ZNF578: variants seen among roughly 807,000 people sequenced by gnomAD.
ZNF578 encodes Putative chemokine-related protein B42.
In ZNF578, 8 loss-of-function variants were observed where a neutral mutation model predicts 8.3. The ratio of observed to expected loss-of-function variants is 0.96; its 90% CI spans 0.56 to 1.74. The LOEUF is 1.74. Ranked by LOEUF, ZNF578 falls within the 40% of genes most tolerant of loss-of-function variation. The probability of loss-of-function intolerance (pLI) is 0.00; values close to 1 mark genes in which losing one functional copy is unlikely to be tolerated. For synonymous variants in ZNF578, 206 were observed against 232.2 expected (o/e 0.89, Z 1.03); for missense variants, 726 against 707.5 (o/e 1.03, Z -0.30).
chr19:52,489,584 G>A (rs539270039), intron 2 of ZNF578, among the ~76,000 whole-genome samples: 61 of 151,988 alleles, frequency 4.0e-4, no homozygotes, highest in Non-Finnish European at 6.5e-4. Flanking sequence ...GGGATACTCC[G>A]TCTCAAAAAT....
intron 2 of ZNF578, among the ~76,000 whole-genome samples, chr19:52,462,458 C>T (rs1210182186): frequency 6.6e-6 from 1 of 152,134 alleles, no homozygotes; most frequent in African/African-American, 2.4e-5. Flanking sequence ...CTGGGGGTTC[C>T]AACAAAGTGA....
At chr19:52,463,223 A>G (rs1288721234) in intron 2 of ZNF578, among the ~76,000 whole-genome samples, 2 of 152,170 alleles carry the variant, frequency 1.3e-5, no homozygotes, top group African/African-American at 4.8e-5. Flanking sequence ...ATTTTTTTGG[A>G]ATTCCCATGA....
chr19:52,512,346 A>G lies in ZNF578; in HGVS notation c.*192A>G. On this transcript the variant is annotated 3_prime_UTR_variant, in exon 6 of 6. Transcript: ENST00000421239. ...TTCATGGTGTAGGGAAACTTGACTA[A>G]TGTAATGATTGTCACAAAGTCTTCA... The G allele has an allele frequency of 1.3e-6, 2 of 1,523,002 alleles. No individual in the cohort carries two copies. Among genetic ancestry groups the G allele is most frequent in the South Asian group, 2.2e-5 (2 of 89,036 alleles). The allele number at this position is 1,523,002 out of a possible 1,614,324, so 94.3% of individuals were successfully genotyped here.
chr19:52,483,971 C>T (rs1032936987), intron 2 of ZNF578, among the ~76,000 whole-genome samples: 4 of 151,894 alleles, frequency 2.6e-5, no homozygotes, highest in South Asian at 2.1e-4. Flanking sequence ...AGGGAACCGA[C>T]GCTCAGCATA....
intron 2 of ZNF578, among the ~76,000 whole-genome samples, chr19:52,462,986 G>A (rs2059263434): frequency 6.6e-6 from 1 of 152,144 alleles, no homozygotes; most frequent in African/African-American, 2.4e-5. Context: ...AGCTGCTGTA[G>A]TAACCTGATC....
chr19:52,509,035 G>T (rs1228281024), intron 5 of ZNF578, among the ~76,000 whole-genome samples: 2 of 150,594 alleles, frequency 1.3e-5, no homozygotes, highest in African/African-American at 4.9e-5. Context: ...CAAAGTAGCT[G>T]AGATAACAGG....
chr19:52,471,175 A>G (rs1388455761), intron 2 of ZNF578, among the ~76,000 whole-genome samples: 1 of 152,184 alleles, frequency 6.6e-6, no homozygotes. Context: ...CTGTGAGCCA[A>G]TTAAACCTCT....
intron 4 of ZNF578, 86 bp from the exon 5 acceptor site, chr19:52,504,569 A>G: frequency 6.3e-7 from 1 of 1,596,250 alleles, no homozygotes; most frequent in Non-Finnish European, 8.5e-7. Flanking sequence ...GATCAAAGAA[A>G]TACTTATTTT....
chr19:52,497,151 G>A (rs1416228097), intron 3 of ZNF578, among the ~76,000 whole-genome samples: 1 of 152,074 alleles, frequency 6.6e-6, no homozygotes, highest in Non-Finnish European at 1.5e-5. Context: ...CCAGGCTGGA[G>A]TGCAGTGGCA....
intron 3 of ZNF578, among the ~76,000 whole-genome samples, chr19:52,500,419 T>G (rs904648453): frequency 1.3e-5 from 2 of 151,506 alleles, no homozygotes; most frequent in Non-Finnish European, 2.9e-5. Flanking sequence ...TTTTTTTTTT[T>G]TTTTTGAGAT....
chr19:52,508,893 ATTTTTTT>A (rs869062581), intron 5 of ZNF578, among the ~76,000 whole-genome samples: 15 of 82,102 alleles, frequency 1.8e-4, no homozygotes, highest in East Asian at 8.6e-4. Flanking sequence ...CTATTAGTCA[ATTTTTTT>A]TTTTTTTTTT....
At chr19:52,459,997 C>A (rs1262365273) in intron 2 of ZNF578, among the ~76,000 whole-genome samples, 1 of 150,106 alleles carries the variant, frequency 6.7e-6, no homozygotes, top group Non-Finnish European at 1.5e-5. Flanking sequence ...AATCTGTTGA[C>A]CTCGTGATCC....
chr19:52,477,323 G>T (rs1295849685), intron 2 of ZNF578, among the ~76,000 whole-genome samples: 2 of 152,176 alleles, frequency 1.3e-5, no homozygotes. Flanking sequence ...CTGAAGTGTG[G>T]TTGTGGTCTG....
At chr19:52,468,654 G>T (rs1429360574) in intron 2 of ZNF578, among the ~76,000 whole-genome samples, 1 of 152,216 alleles carries the variant, frequency 6.6e-6, no homozygotes, top group Non-Finnish European at 1.5e-5. Flanking sequence ...TTGCCGAGGA[G>T]ATTGACATTT....
intron 3 of ZNF578, among the ~76,000 whole-genome samples, chr19:52,492,558 T>G (rs1568462355): frequency 6.6e-6 from 1 of 152,192 alleles, no homozygotes; most frequent in African/African-American, 2.4e-5. Context: ...GCATTTCACA[T>G]TTTAGTTTGC....
chr19:52,482,141 C>T (rs2059328722), intron 2 of ZNF578, among the ~76,000 whole-genome samples: 1 of 152,180 alleles, frequency 6.6e-6, no homozygotes, highest in Non-Finnish European at 1.5e-5. Context: ...TCAAGCAATT[C>T]CACTGCCTCA....
chr19:52,500,013 C>T (rs1406633925), intron 3 of ZNF578, among the ~76,000 whole-genome samples: 3 of 152,112 alleles, frequency 2.0e-5, no homozygotes, highest in African/African-American at 7.2e-5. Flanking sequence ...TCAGGGCCTT[C>T]ACTTGAGCTG....
At chr19:52,504,112 A>T (rs2059417058) in intron 4 of ZNF578, among the ~76,000 whole-genome samples, 1 of 145,502 alleles carries the variant, frequency 6.9e-6, no homozygotes, top group Non-Finnish European at 1.5e-5. Context: ...TTTTTTTAAC[A>T]TGGAGTGTCA....
intron 4 of ZNF578, among the ~76,000 whole-genome samples, chr19:52,503,580 G>A (rs955520197): frequency 5.3e-5 from 8 of 152,016 alleles, no homozygotes; most frequent in African/African-American, 1.7e-4. Flanking sequence ...TCCTGACCTC[G>A]TGATCCACTC....
Sources: gnomAD v4.1 joint callset for allele counts (sites outside exome capture counted in the v4.1 genomes callset) on GRCh38, gnomAD v4.1.1 for gene constraint, MANE v1.5 for transcripts, NCBI Gene and HGNC (gene_info 2026-07-23, HGNC 2026-07-21) for gene names.